SORCS3: variants seen among roughly 807,000 people sequenced by gnomAD.
SORCS3 encodes the protein sortilin related VPS10 domain containing receptor 3.
SORCS3 carries 57 observed loss-of-function variants against 146.3 expected under a neutral mutation model. The observed-to-expected ratio is 0.39, with a 90% CI of 0.31 to 0.49. The LOEUF (loss-of-function observed/expected upper bound fraction) is 0.49, where lower values mean the gene tolerates loss of function less well. Ranked by LOEUF, SORCS3 falls within the 20% of genes least tolerant of loss-of-function variation. SORCS3 has a pLI of 0.92. For synonymous variants in SORCS3, 653 were observed against 618.5 expected, an observed-to-expected ratio of 1.06 and a Z score of -0.83; for missense variants, 1,341 against 1,575.5, an observed-to-expected ratio of 0.85 and a Z score of 2.52.
intron 4 of SORCS3, among the ~76,000 whole-genome samples, chr10:104,997,305 T>C (rs1246577412): frequency 6.6e-6 from 1 of 152,236 alleles, no homozygotes; most frequent in African/African-American, 2.4e-5. Flanking sequence ...TTCTTTCGTA[T>C]GAACTAACCA....
chr10:104,796,777 C>T (rs929564233), intron 1 of SORCS3, among the ~76,000 whole-genome samples: 2 of 152,164 alleles, frequency 1.3e-5, no homozygotes, highest in Non-Finnish European at 2.9e-5. Flanking sequence ...GAGGCAGGTT[C>T]CTGGGTGTAA....
chr10:105,119,090 G>T (rs2055913031), intron 7 of SORCS3, among the ~76,000 whole-genome samples: 1 of 152,152 alleles, frequency 6.6e-6, no homozygotes, highest in Admixed American at 6.5e-5. Flanking sequence ...CATGGGCTGG[G>T]CCTAGGGTCC....
intron 1 of SORCS3, among the ~76,000 whole-genome samples, chr10:104,652,813 A>C (rs539723919): frequency 1.3e-5 from 2 of 152,246 alleles, no homozygotes; most frequent in Non-Finnish European, 2.9e-5. Context: ...GAAGTGTTTC[A>C]GAGCACCTAG....
At chr10:105,152,807 C>A (rs537982134) in intron 9 of SORCS3, among the ~76,000 whole-genome samples, 145 of 152,278 alleles carry the variant, frequency 9.5e-4, no homozygotes, top group African/African-American at 3.4e-3. Context: ...ATATCACATT[C>A]TTCATTGTGC....
At chr10:104,859,099 G>C (rs1420770212) in intron 2 of SORCS3, among the ~76,000 whole-genome samples, 1 of 151,984 alleles carries the variant, frequency 6.6e-6, no homozygotes, top group Non-Finnish European at 1.5e-5. Flanking sequence ...ACATGCTTTA[G>C]GGTGTTAGTA....
intron 4 of SORCS3, among the ~76,000 whole-genome samples, chr10:105,037,654 G>T (rs116421174): frequency 0.062 from 9,364 of 152,118 alleles, 860 homozygotes; most frequent in African/African-American, 0.2. Context: ...CTCCTTATGA[G>T]AACACCAGTC....
At chr10:104,904,392 T>C (rs561958138) in intron 2 of SORCS3, among the ~76,000 whole-genome samples, 1 of 152,324 alleles carries the variant, frequency 6.6e-6, no homozygotes, top group Non-Finnish European at 1.5e-5. Context: ...GCTTTAATGA[T>C]AATTTTTATC....
chr10:104,715,565 G>A (rs922484643), intron 1 of SORCS3, among the ~76,000 whole-genome samples: 1 of 152,116 alleles, frequency 6.6e-6, no homozygotes, highest in African/African-American at 2.4e-5. Context: ...TGTATATCCT[G>A]TTGTTTCTGT....
chr10:104,876,760 T>TTCCTTCCTTC (rs1554856391), intron 2 of SORCS3, among the ~76,000 whole-genome samples: 1 of 119,392 alleles, frequency 8.4e-6, no homozygotes, highest in Admixed American at 8.6e-5. Context: ...TCTTTCTTTC[T>TTCCTTCCTTC]CTTCCTTCCT....
At chr10:104,710,767 T>C (rs1382938034) in intron 1 of SORCS3, among the ~76,000 whole-genome samples, 1 of 151,822 alleles carries the variant, frequency 6.6e-6, no homozygotes, top group African/African-American at 2.4e-5. Flanking sequence ...GACCAACTTC[T>C]TTGGAAAATG....
At chr10:105,164,966 G>A (rs1015377880) in intron 12 of SORCS3, among the ~76,000 whole-genome samples, 2 of 152,150 alleles carry the variant, frequency 1.3e-5, no homozygotes, top group East Asian at 1.9e-4. Context: ...AATGTTCAGC[G>A]ATGATGGAAA....
chr10:104,758,614 G>A (rs1213414017), intron 1 of SORCS3, among the ~76,000 whole-genome samples: 1 of 152,092 alleles, frequency 6.6e-6, no homozygotes, highest in Admixed American at 6.5e-5. Context: ...GCTTTGGGAT[G>A]TCTCCTTTCC....
At chr10:104,982,327 G>T (rs2054935830) in intron 4 of SORCS3, among the ~76,000 whole-genome samples, 1 of 152,170 alleles carries the variant, frequency 6.6e-6, no homozygotes, top group South Asian at 2.1e-4. Flanking sequence ...TGGATCCAAA[G>T]AAACTGTGAC....
At chr10:104,931,842 C>G (rs2019211623) in intron 3 of SORCS3, among the ~76,000 whole-genome samples, 1 of 152,128 alleles carries the variant, frequency 6.6e-6, no homozygotes, top group Non-Finnish European at 1.5e-5. Context: ...AGGACAGTCA[C>G]AAAAGAAGAA....
chr10:105,015,926 C>T (rs1043903800), intron 4 of SORCS3, among the ~76,000 whole-genome samples: 13 of 150,900 alleles, frequency 8.6e-5, no homozygotes, highest in East Asian at 2.0e-4. Flanking sequence ...GATGGGGTTT[C>T]GCCATGTTGG....
intron 4 of SORCS3, among the ~76,000 whole-genome samples, chr10:105,002,676 A>C (rs1018660872): frequency 6.6e-6 from 1 of 152,260 alleles, no homozygotes; most frequent in Non-Finnish European, 1.5e-5. Context: ...GGTAATGCAG[A>C]TGTAGAACTT....
intron 4 of SORCS3, among the ~76,000 whole-genome samples, chr10:105,025,991 G>A (rs2055227055): frequency 6.6e-6 from 1 of 152,032 alleles, no homozygotes; most frequent in African/African-American, 2.4e-5. Flanking sequence ...AAATCAGGAA[G>A]TCATCTTTGA....
At chr10:104,744,146 C>G (rs1444208550) in intron 1 of SORCS3, among the ~76,000 whole-genome samples, 1 of 152,172 alleles carries the variant, frequency 6.6e-6, no homozygotes, top group Non-Finnish European at 1.5e-5. Context: ...GAGCAGACTT[C>G]TCATTCTAGA....
At position 105,048,298 on chromosome 10, in the gene SORCS3, GGA is replaced by G. The variant is rs1564742270; in HGVS notation, c.1028+5171_1028+5172del. Among the ~76,000 whole-genome samples, 583 of 144,614 alleles carry G rather than the reference GGA, an allele frequency of 4.0e-3. 7 individuals carry two copies. Among genetic ancestry groups the G allele is most frequent in the African/African-American group, 0.014 (541 of 39,100 alleles). The allele number at this position is 144,614 out of a possible 152,430, so 94.9% of individuals were successfully genotyped here. A position where few individuals can be genotyped will look rare whatever the true frequency, so the allele number is the denominator to read the frequency against. Reference sequence around the variant, plus strand: ...TGGAACCAACCCAAATGTCCAACAGGGATAGACTGGATTAAGAAAATGTGGCA... The same window carrying G: ...TGGAACCAACCCAAATGTCCAACAGGTAGACTGGATTAAGAAAATGTGGCA... On this transcript the variant is annotated intron_variant, in intron 5 of 26. Transcript: ENST00000369701.
Sources: gnomAD v4.1 joint callset for allele counts (sites outside exome capture counted in the v4.1 genomes callset) on GRCh38, gnomAD v4.1.1 for gene constraint, MANE v1.5 for transcripts, NCBI Gene and HGNC (gene_info 2026-07-23, HGNC 2026-07-21) for gene names.